Variants in CDKL3 observed in about 807,000 individuals in gnomAD.
CDKL3 encodes the protein cyclin-dependent kinase-like 3.
CDKL3 carries 65 observed loss-of-function variants against 69.3 expected under a neutral mutation model. The observed-to-expected ratio is 0.94, with a 90% CI of 0.77 to 1.15. The LOEUF is 1.15. Among genes scored for constraint, CDKL3 ranks in the 50% most tolerant of loss-of-function variants. CDKL3 has a pLI of 0.00. For synonymous variants in CDKL3, 202 were observed against 221.6 expected (o/e 0.91, Z 0.79); for missense variants, 652 against 689.2 (o/e 0.95, Z 0.61).
rs1772113483 is a variant in CDKL3, at chr5:134,319,349, A to AG, written c.792+8_792+9insC. 1 of 1,505,300 alleles carries AG rather than the reference A, an allele frequency of 6.6e-7. No homozygotes were observed. The highest frequency in any genetic ancestry group is 1.4e-5 in the African/African-American group (1 of 69,500). The allele number at this position is 1,505,300 out of a possible 1,614,324, so 93.2% of individuals were successfully genotyped here. A position where few individuals can be genotyped will look rare whatever the true frequency, so the allele number is the denominator to read the frequency against. ...TGTCTCCGGGGGAGGAAAAAAAAAA[A>AG]AAACATACATGAACTATATCTGCCA... is the stretch of plus-strand genomic sequence containing the variant. On this transcript the variant is annotated intron_variant, in intron 6 of 12. Coordinates refer to ENST00000265334, the MANE Select transcript of CDKL3 (RefSeq NM_001113575.2).
At chr5:134,328,470 G>A (rs1195408128) in intron 4 of CDKL3, among the ~76,000 whole-genome samples, 5 of 151,956 alleles carry the variant, frequency 3.3e-5, no homozygotes, top group Non-Finnish European at 7.4e-5. Context: ...TTGAAGACAA[G>A]ACCAATAGAA....
rs1312495326 is a variant in CDKL3 at position 134,366,562 on chromosome 5, A to C, written c.-21-18T>G. On this transcript the variant is annotated intron_variant, in intron 1 of 12. Coordinates refer to ENST00000265334, the MANE Select transcript of CDKL3 (RefSeq NM_001113575.2). ...TTTTACTACTTTATAGAAATAAAGAAAGAAAATGGAAAATGTTAAACGTTT... is the reference window on the plus strand; with the variant it reads ...TTTTACTACTTTATAGAAATAAAGACAGAAAATGGAAAATGTTAAACGTTT... 5.5e-6 allele frequency: 8 copies of C among 1,456,232 alleles called. No individual in the cohort carries two copies. Among genetic ancestry groups the C allele is most frequent in the Middle Eastern group, 1.7e-4 (1 of 5,776 alleles). The allele number at this position is 1,456,232 out of a possible 1,614,324, so 90.2% of individuals were successfully genotyped here. A position where few individuals can be genotyped will look rare whatever the true frequency, so the allele number is the denominator to read the frequency against.
intron 8 of CDKL3, among the ~76,000 whole-genome samples, chr5:134,292,915 A>C (rs1765180268): frequency 1.3e-5 from 2 of 151,164 alleles, no homozygotes; most frequent in African/African-American, 4.9e-5. Flanking sequence ...GAATATCTCT[A>C]TTAAATAAAT....
At chr5:134,299,706 A>T (rs1281741271) in intron 12 of CDKL3, 1 of 1,534,802 alleles carries the variant, frequency 6.5e-7, no homozygotes, top group Admixed American at 2.0e-5. Context: ...TCTACTCTAC[A>T]TCTGGCAAGT....
At chr5:134,340,452 A>G (rs768942259) in intron 4 of CDKL3, among the ~76,000 whole-genome samples, 15 of 152,204 alleles carry the variant, frequency 9.9e-5, no homozygotes, top group Non-Finnish European at 2.2e-4. Flanking sequence ...AATCAACAAA[A>G]TTGAAAAACA....
intron 4 of CDKL3, among the ~76,000 whole-genome samples, chr5:134,330,179 A>G (rs1373221592): frequency 6.6e-6 from 1 of 152,298 alleles, no homozygotes; most frequent in East Asian, 1.9e-4. Flanking sequence ...AACCATGTCA[A>G]TGTAGTCCTT....
intron 4 of CDKL3, among the ~76,000 whole-genome samples, chr5:134,337,279 G>A (rs551606309): frequency 2.0e-5 from 3 of 152,230 alleles, no homozygotes; most frequent in African/African-American, 7.2e-5. Flanking sequence ...ACTAGGAAAG[G>A]GAAATCAATC....
chr5:134,324,836 G>A (rs1773723777), intron 4 of CDKL3, among the ~76,000 whole-genome samples: 1 of 152,122 alleles, frequency 6.6e-6, no homozygotes, highest in Admixed American at 6.5e-5. Flanking sequence ...CTAAACTATG[G>A]AATTTAGTTA....
intron 2 of CDKL3, among the ~76,000 whole-genome samples, chr5:134,364,725 C>G (rs915845418): frequency 2.6e-5 from 4 of 151,890 alleles, no homozygotes; most frequent in South Asian, 4.1e-4. Context: ...ATTGGCCAGG[C>G]TGGTCTCGAA....
At chr5:134,341,538 G>A (rs968415847) in intron 4 of CDKL3, among the ~76,000 whole-genome samples, 2 of 152,164 alleles carry the variant, frequency 1.3e-5, no homozygotes, top group African/African-American at 4.8e-5. Context: ...GTGAGGGTAC[G>A]GGATCCTCAG....
intron 4 of CDKL3, among the ~76,000 whole-genome samples, chr5:134,347,795 A>C (rs1752310387): frequency 6.6e-6 from 1 of 151,964 alleles, no homozygotes; most frequent in Admixed American, 6.6e-5. Context: ...ATATAATTCT[A>C]CTTATATGAA....
At chr5:134,367,306 T>A, upstream of CDKL3, 1 of 984,822 alleles carries the variant, frequency 1.0e-6, no homozygotes, top group East Asian at 1.1e-4. Context: ...GAGTACAGAT[T>A]GCTGTCGCAG....
intron 2 of CDKL3, among the ~76,000 whole-genome samples, chr5:134,363,975 AAAAGAG>A (rs566495389): frequency 0.1 from 15,099 of 148,760 alleles, 906 homozygotes; most frequent in Admixed American, 0.15. Flanking sequence ...AAAAAAAAAA[AAAAGAG>A]AGAGAAAGAA....
At chr5:134,323,359 T>C (rs1773298780) in intron 4 of CDKL3, among the ~76,000 whole-genome samples, 1 of 152,198 alleles carries the variant, frequency 6.6e-6, no homozygotes, top group Admixed American at 6.5e-5. Flanking sequence ...CCTAGGAAAT[T>C]GTTTTGTAGA....
intron 12 of CDKL3, chr5:134,302,145 A>C (rs1173018340): frequency 6.6e-6 from 3 of 456,228 alleles, no homozygotes; most frequent in African/African-American, 2.0e-5. Flanking sequence ...ATTACCTGAT[A>C]GTTAGCTGAG....
At chr5:134,335,383 T>C (rs1174252068) in intron 4 of CDKL3, among the ~76,000 whole-genome samples, 3 of 152,186 alleles carry the variant, frequency 2.0e-5, no homozygotes, top group Admixed American at 2.0e-4. Flanking sequence ...AGCTGGTTAT[T>C]TTGACTGTTA....
intron 4 of CDKL3, among the ~76,000 whole-genome samples, chr5:134,325,135 G>A (rs1773802050): frequency 6.6e-6 from 1 of 152,154 alleles, no homozygotes; most frequent in Non-Finnish European, 1.5e-5. Context: ...CCATGAGTAT[G>A]CCACTGTACT....
intron 4 of CDKL3, among the ~76,000 whole-genome samples, chr5:134,322,562 A>G (rs1773078373): frequency 6.6e-6 from 1 of 152,240 alleles, no homozygotes; most frequent in South Asian, 2.1e-4. Flanking sequence ...AAATTATATG[A>G]GAATTTCACT....
At chr5:134,326,819 A>G (rs1181165001) in intron 4 of CDKL3, among the ~76,000 whole-genome samples, 161 of 106,120 alleles carry the variant, frequency 1.5e-3, no homozygotes, top group African/African-American at 7.8e-3. Context: ...ATGTGTGTGT[A>G]TATATATATA....
Sources: gnomAD v4.1 joint callset for allele counts (sites outside exome capture counted in the v4.1 genomes callset) on GRCh38, gnomAD v4.1.1 for gene constraint, MANE v1.5 for transcripts, NCBI Gene and HGNC (gene_info 2026-07-23, HGNC 2026-07-21) for gene names.